The following MRNIP variants were observed in gnomAD, a reference collection of about 807,000 sequenced individuals.
The protein encoded by MRNIP is MRN complex-interacting protein.
A neutral mutation model predicts 29.8 loss-of-function variants in MRNIP; 30 were observed. That is an observed-to-expected ratio of 1.01 (90% CI 0.75 to 1.36). The LOEUF (loss-of-function observed/expected upper bound fraction) is 1.36. MRNIP is among the 40% of genes most tolerant of loss of function. The pLI is 0.00. For synonymous variants in MRNIP, 201 were observed against 164.1 expected (o/e 1.23, Z -1.72); for missense variants, 459 against 423.5 (o/e 1.08, Z -0.74).
chr5:179,844,167 C>A lies in MRNIP; in HGVS notation c.276G>T (p.Gly92=). 2 of 1,614,160 alleles carry A rather than the reference C, an allele frequency of 1.2e-6. No individual in the cohort carries two copies. Among genetic ancestry groups the A allele is most frequent in the Non-Finnish European group, 1.7e-6 (2 of 1,180,020 alleles). The change falls in exon 4 of 7, where the codon GGG becomes GGT. Residue 92 remains glycine, a synonymous_variant. Transcript: ENST00000292586. ...TGAGGCTTACCTGCTGCTTCACATT[C>A]CCAGCCTGCTGGTGTCCCACGTTTT... ...EEENVGHQQA[G]NVKQQEKSQP...
Position 179,842,084 on chromosome 5 carries a change from G to C in MRNIP, c.292-20C>G. 6.2e-7 allele frequency: 1 copy of C among 1,612,452 alleles called. No homozygotes were observed. Among genetic ancestry groups the C allele is most frequent in the Non-Finnish European group, 8.5e-7 (1 of 1,179,416 alleles). ...TTTTTCCTGCCAGATTGAGAAAAAA[G>C]TTGATTCTCAGTACTGGAAACCAGG... On this transcript the variant is annotated intron_variant, in intron 4 of 6. Coordinates refer to ENST00000292586, the MANE Select transcript of MRNIP (RefSeq NM_016175.4).
chr5:179,858,044 G>A (rs1759675037), intron 1 of MRNIP, among the ~76,000 whole-genome samples: 1 of 150,420 alleles, frequency 6.6e-6, no homozygotes, highest in East Asian at 2.0e-4. Context: ...GAAGTCTGAT[G>A]CTATTCTTTC....
intron 6 of MRNIP, chr5:179,838,837 T>G (rs911523403): frequency 1.3e-5 from 2 of 151,946 alleles, no homozygotes; most frequent in East Asian, 3.9e-4. Context: ...CCAACTGTGG[T>G]GGTGAGTGCC....
At chr5:179,841,722 C>G (rs1758886349) in intron 5 of MRNIP, 185 bp downstream of exon 5, 2 of 647,108 alleles carry the variant, frequency 3.1e-6, no homozygotes, top group Non-Finnish European at 5.4e-6. Context: ...TCTGCACCAG[C>G]AGTGCCCAAT....
intron 4 of MRNIP, among the ~76,000 whole-genome samples, chr5:179,843,777 CA>C (rs1213347480): frequency 6.6e-6 from 1 of 152,036 alleles, no homozygotes; most frequent in Non-Finnish European, 1.5e-5. Context: ...CAACAGCTTG[CA>C]GTCTGGAACA....
intron 5 of MRNIP, chr5:179,841,450 G>A (rs529538061): frequency 3.9e-4 from 68 of 175,248 alleles, no homozygotes; most frequent in Non-Finnish European, 6.6e-4. Context: ...TTTGAAAGCA[G>A]AATCTACCTC....
In MRNIP at chr5:179,847,971, A is replaced by T. The variant is rs1360233811; in HGVS notation, c.215+7T>A. 1 of 1,595,964 alleles carries T rather than the reference A, an allele frequency of 6.3e-7. No individual in the cohort carries two copies. The highest frequency in any genetic ancestry group is 1.3e-5 in the African/African-American group (1 of 74,464). On this transcript the variant is annotated splice_region_variant and intron_variant, in intron 3 of 6. Coordinates refer to ENST00000292586, the MANE Select transcript of MRNIP (RefSeq NM_016175.4). ...AAGACAACCACGCTCTTCTCAAACA[A>T]CTGTACCTGAGTGGCAGCTCTGAAA...
intron 1 of MRNIP, among the ~76,000 whole-genome samples, chr5:179,853,698 G>A (rs568994285): frequency 6.6e-6 from 1 of 151,294 alleles, no homozygotes; most frequent in Non-Finnish European, 1.5e-5. Context: ...CTTAAACCTG[G>A]GAGGTGGAGG....
Position 179,837,544 on chromosome 5 carries a change from T to C in MRNIP, c.879A>G (p.Thr293=), listed in dbSNP as rs776215636. 5 of 1,614,194 alleles carry C rather than the reference T, an allele frequency of 3.1e-6. No individual in the cohort carries two copies. Among genetic ancestry groups the C allele is most frequent in the African/African-American group, 1.3e-5 (1 of 75,060 alleles). ...VQLPRATHPV[T]SGSERPCGKT... ...TCCCGCAAGGCCTCTCAGACCCAGA[T>C]GTGACGGGGTGTGTGGCCCGAGGAA... The change falls in exon 7 of 7, where the codon ACA becomes ACG. Residue 293 remains threonine (T), a synonymous_variant. Transcript: ENST00000292586.
intron 4 of MRNIP, 31 bp from the exon 5 acceptor site, chr5:179,842,095 G>A (rs1467307938): frequency 1.2e-6 from 2 of 1,609,658 alleles, no homozygotes; most frequent in East Asian, 2.2e-5. Flanking sequence ...TTGATTCTCA[G>A]TACTGGAAAC....
chr5:179,853,401 C>T lies in MRNIP; in HGVS notation c.103G>A (p.Gly35Arg). 2 of 1,613,222 alleles carry T rather than the reference C, an allele frequency of 1.2e-6. No homozygotes were observed. Among genetic ancestry groups the T allele is most frequent in the Non-Finnish European group, 1.7e-6 (2 of 1,179,778 alleles). Residue 35 changes from glycine (G) to arginine (R), a missense_variant, in exon 2 of 7, where the codon GGA becomes AGA. Physicochemically the swap from Gly to Arg is moderately radical, Grantham distance 125. Transcript: ENST00000292586. ...ACCTGCAAAAAGGACTGCTTCTCTCCACAAGCTTTGCATGTCCACTTGACA... is the reference window on the plus strand; with the variant it reads ...ACCTGCAAAAAGGACTGCTTCTCTCTACAAGCTTTGCATGTCCACTTGACA... ...KSVKWTCKAC[G>R]EKQSFLQAYG... is the part of the protein sequence containing the mutation.
At chr5:179,844,329 G>A in intron 3 of MRNIP, 102 bp from the exon 4 acceptor site, 2 of 894,642 alleles carry the variant, frequency 2.2e-6, no homozygotes, top group Non-Finnish European at 1.8e-6. Flanking sequence ...GAGGCAGGTG[G>A]ATCACCTGAG....
intron 6 of MRNIP, chr5:179,839,232 C>G (rs956740796): frequency 1.5e-5 from 2 of 130,812 alleles, no homozygotes; most frequent in Non-Finnish European, 3.2e-5. Context: ...GCCAGGGGAA[C>G]AAGAGTGAAA....
chr5:179,849,099 A>C (rs1759247257), intron 2 of MRNIP, among the ~76,000 whole-genome samples: 1 of 149,750 alleles, frequency 6.7e-6, no homozygotes, highest in Non-Finnish European at 1.5e-5. Flanking sequence ...AGATGGTACG[A>C]GACGGAATTT....
chr5:179,838,422 TC>T (rs1242933366), intron 6 of MRNIP: 2 of 162,444 alleles, frequency 1.2e-5, no homozygotes, highest in Non-Finnish European at 2.7e-5. Context: ...ACGCCTGTAA[TC>T]CCAGCACTTT....
rs1289547489 is a variant in MRNIP at position 179,847,978 on chromosome 5, C to T, written c.215G>A (p.Arg72Lys). The T allele has an allele frequency of 6.2e-7, 1 of 1,604,402 alleles. No individual in the cohort carries two copies. Residue 72 changes from arginine (R) to lysine (K), a missense_variant and splice_region_variant, in exon 3 of 7, where the codon AGG (arginine) becomes AAG (lysine). Physicochemically the swap from Arg to Lys is conservative, Grantham distance 26. Coordinates refer to ENST00000292586, the MANE Select transcript of MRNIP (RefSeq NM_016175.4). ...CCACGCTCTTCTCAAACAACTGTAC[C>T]TGAGTGGCAGCTCTGAAACTTGTCC... is the stretch of plus-strand genomic sequence containing the variant. Reference protein sequence around the residue: ...LQGQVSELPLRSLEETVSASE... With the variant: ...LQGQVSELPLKSLEETVSASE...
chr5:179,853,687 G>A (rs1355179299), intron 1 of MRNIP, among the ~76,000 whole-genome samples: 7 of 151,854 alleles, frequency 4.6e-5, no homozygotes, highest in Admixed American at 2.0e-4. Context: ...CAGGAGAATC[G>A]CTTAAACCTG....
chr5:179,841,688 CG>C (rs1758884540), intron 5 of MRNIP: 1 of 597,952 alleles, frequency 1.7e-6, no homozygotes, highest in African/African-American at 1.9e-5. Flanking sequence ...GGTGTGCACA[CG>C]GGTGTCCTGC....
chr5:179,839,471 G>A (rs1158821964), intron 6 of MRNIP: 1 of 152,246 alleles, frequency 6.6e-6, no homozygotes, highest in Non-Finnish European at 1.5e-5. Context: ...CAACAGGCTT[G>A]AGGGAGCATG....
Sources: allele counts gnomAD v4.1 joint callset (sites outside exome capture counted in the v4.1 genomes callset), GRCh38; gene constraint gnomAD v4.1.1; transcripts MANE v1.5; gene names NCBI Gene and HGNC (gene_info 2026-07-23, HGNC 2026-07-21).